NELL1: variants seen among roughly 807,000 people sequenced by gnomAD.
The protein encoded by NELL1 is protein kinase C-binding protein NELL1.
NELL1 carries 76 observed loss-of-function variants against 107.4 expected under a neutral mutation model. The observed-to-expected ratio is 0.71, with a 90% CI of 0.59 to 0.86. The LOEUF (loss-of-function observed/expected upper bound fraction) is 0.86, where lower values mean the gene tolerates loss of function less well. Ranked by LOEUF, NELL1 falls within the 40% of genes least tolerant of loss-of-function variation. The probability of loss-of-function intolerance (pLI) is 0.00; values close to 1 mark genes in which losing one functional copy is unlikely to be tolerated. For missense variants in NELL1, 1,024 were observed against 1,005.5 expected (o/e 1.02, Z -0.25); for synonymous variants, 353 against 341.2 (o/e 1.03, Z -0.38).
At position 21,193,643 on chromosome 11, in the gene NELL1, A is replaced by C. The variant is rs372763959; in HGVS notation, c.1427-35689A>C. On this transcript the variant is annotated intron_variant, in intron 13 of 19. Coordinates refer to ENST00000357134, the MANE Select transcript of NELL1 (RefSeq NM_006157.5). ...ATGCTTAGGGAAGTTTGTGACTAGG[A>C]GATGCTGGGAAGTTTTGATTTGTGA... 2.8e-4 allele frequency among the ~76,000 whole-genome samples: 42 copies of C among 152,038 alleles called. 1 individual carries two copies. The East Asian group carries it at 6.6e-3, about 24-fold the overall frequency.
intron 2 of NELL1, among the ~76,000 whole-genome samples, chr11:20,733,013 A>C (rs1855682849): frequency 6.6e-6 from 1 of 152,210 alleles, no homozygotes; most frequent in African/African-American, 2.4e-5. Context: ...AAACTTAAAC[A>C]GGTTATTTAA....
intron 15 of NELL1, among the ~76,000 whole-genome samples, chr11:21,458,497 A>G (rs531477469): frequency 6.6e-6 from 1 of 152,190 alleles, no homozygotes; most frequent in Non-Finnish European, 1.5e-5. Flanking sequence ...AATTAAATAA[A>G]TTATGGTGTA....
chr11:21,392,178 T>A (rs1851894005), intron 15 of NELL1, among the ~76,000 whole-genome samples: 1 of 151,800 alleles, frequency 6.6e-6, no homozygotes, highest in Non-Finnish European at 1.5e-5. Flanking sequence ...TGAGACTAAA[T>A]CTCTAGTGTT....
chr11:21,383,925 T>C (rs1053376414), intron 15 of NELL1: 4 of 151,896 alleles, frequency 2.6e-5, no homozygotes, highest in African/African-American at 9.7e-5. Context: ...TTGCTTCTTC[T>C]AAGTCTTCTT....
intron 2 of NELL1, among the ~76,000 whole-genome samples, chr11:20,712,811 A>G (rs1200649076): frequency 6.6e-6 from 1 of 152,208 alleles, no homozygotes; most frequent in East Asian, 1.9e-4. Flanking sequence ...TGTTTGCAAC[A>G]AGTCCTGTGA....
chr11:20,705,569 A>G (rs1854924928), intron 2 of NELL1, among the ~76,000 whole-genome samples: 2 of 142,884 alleles, frequency 1.4e-5, no homozygotes, highest in Non-Finnish European at 3.1e-5. Context: ...ACCCTAGAAG[A>G]AAACCTAGGC....
intron 12 of NELL1, among the ~76,000 whole-genome samples, chr11:21,062,237 C>G (rs1443095327): frequency 2.0e-5 from 3 of 152,098 alleles, no homozygotes; most frequent in Non-Finnish European, 2.9e-5. Flanking sequence ...ATAACTTAGG[C>G]TAATATCTAA....
intron 15 of NELL1, among the ~76,000 whole-genome samples, chr11:21,508,397 A>G (rs1206997445): frequency 6.6e-6 from 1 of 152,198 alleles, no homozygotes; most frequent in Non-Finnish European, 1.5e-5. Context: ...ATAGCTATTC[A>G]AAACTGATGC....
At chr11:21,217,426 T>C (rs900475884) in intron 13 of NELL1, among the ~76,000 whole-genome samples, 29 of 152,248 alleles carry the variant, frequency 1.9e-4, no homozygotes, top group African/African-American at 6.3e-4. Flanking sequence ...ATAGGAGTCT[T>C]CTTTCTTCTT....
At chr11:21,562,764 G>T (rs550769888) in intron 17 of NELL1, among the ~76,000 whole-genome samples, 1 of 151,644 alleles carries the variant, frequency 6.6e-6, no homozygotes, top group Non-Finnish European at 1.5e-5. Context: ...TTTAAATGCC[G>T]TCAAATTATG....
At chr11:20,768,595 A>G (rs1856580997) in intron 2 of NELL1, among the ~76,000 whole-genome samples, 2 of 152,234 alleles carry the variant, frequency 1.3e-5, no homozygotes, top group African/African-American at 2.4e-5. Context: ...AAGGGTCTTG[A>G]GGTGAGAAGA....
intron 2 of NELL1, among the ~76,000 whole-genome samples, chr11:20,771,282 T>C (rs10833389): frequency 6.6e-6 from 1 of 151,962 alleles, no homozygotes; most frequent in African/African-American, 2.4e-5. Flanking sequence ...GTGTCAAATC[T>C]GTGCAGTTTC....
chr11:21,259,300 A>G (rs1056724281), intron 14 of NELL1, among the ~76,000 whole-genome samples: 1 of 151,940 alleles, frequency 6.6e-6, no homozygotes, highest in Admixed American at 6.6e-5. Flanking sequence ...ATTATAAAGC[A>G]TAATGGGAGT....
chr11:20,921,777 G>A (rs1025731415), intron 7 of NELL1, among the ~76,000 whole-genome samples: 7 of 145,706 alleles, frequency 4.8e-5, no homozygotes, highest in African/African-American at 1.3e-4. Flanking sequence ...GCAAGAGCAA[G>A]GTCTCTTTTT....
intron 15 of NELL1, among the ~76,000 whole-genome samples, chr11:21,440,151 GA>G (rs34229595): frequency 6.6e-6 from 1 of 151,870 alleles, no homozygotes; most frequent in Non-Finnish European, 1.5e-5. Flanking sequence ...TTAGGCAACT[GA>G]AAAAAAGCTT....
At chr11:20,779,370 G>A (rs569572012) in intron 2 of NELL1, among the ~76,000 whole-genome samples, 56 of 152,256 alleles carry the variant, frequency 3.7e-4, no homozygotes, top group African/African-American at 9.6e-4. Flanking sequence ...TATGTTCCAC[G>A]TATTCAATCT....
At chr11:20,748,628 AT>A (rs1288523094) in intron 2 of NELL1, among the ~76,000 whole-genome samples, 14 of 152,212 alleles carry the variant, frequency 9.2e-5, no homozygotes, top group African/African-American at 2.9e-4. Context: ...CCCATAGCTT[AT>A]CTCTCACTTA....
intron 14 of NELL1, among the ~76,000 whole-genome samples, chr11:21,358,673 TC>T (rs1029403407): frequency 6.8e-6 from 1 of 147,640 alleles, no homozygotes; most frequent in African/African-American, 2.5e-5. Flanking sequence ...TGCCTCAGCC[TC>T]CCAAAGTGGT....
intron 15 of NELL1, among the ~76,000 whole-genome samples, chr11:21,496,797 A>G (rs1407742651): frequency 6.6e-5 from 10 of 151,964 alleles, no homozygotes; most frequent in African/African-American, 2.4e-4. Flanking sequence ...ATTGTTTTTA[A>G]CTTATTAAGA....
Sources: allele counts gnomAD v4.1 joint callset (sites outside exome capture counted in the v4.1 genomes callset), GRCh38; gene constraint gnomAD v4.1.1; transcripts MANE v1.5; gene names NCBI Gene and HGNC (gene_info 2026-07-23, HGNC 2026-07-21).